The following PKNOX2 variants were observed in gnomAD, a reference collection of about 807,000 sequenced individuals.
PKNOX2 encodes the protein PBX/knotted 1 homeobox 2.
In PKNOX2, 14 loss-of-function variants were observed where a neutral mutation model predicts 53.1. That is an observed-to-expected ratio of 0.26 (90% CI 0.17 to 0.41). The LOEUF is 0.41. PKNOX2 is among the 10% of genes least tolerant of loss of function. The pLI, the probability that PKNOX2 is intolerant of heterozygous loss-of-function variation, is 1.00. For synonymous variants in PKNOX2, 257 were observed against 242.8 expected, an observed-to-expected ratio of 1.06 and a Z score of -0.54; for missense variants, 496 against 602.8, an observed-to-expected ratio of 0.82 and a Z score of 1.85.
chr11:125,235,975 C>T (rs1241588580), intron 2 of PKNOX2, among the ~76,000 whole-genome samples: 1 of 152,206 alleles, frequency 6.6e-6, no homozygotes, highest in Non-Finnish European at 1.5e-5. Flanking sequence ...AGTTTCCCCA[C>T]GCTGCTTATG....
chr11:125,316,028 G>A (rs1048911917), intron 2 of PKNOX2, among the ~76,000 whole-genome samples: 5 of 152,318 alleles, frequency 3.3e-5, no homozygotes, highest in Middle Eastern at 3.4e-3. Flanking sequence ...ATGTCCATAC[G>A]TAAGAGGACA....
chr11:125,285,841 C>T (rs985348918), intron 2 of PKNOX2, among the ~76,000 whole-genome samples: 1 of 152,244 alleles, frequency 6.6e-6, no homozygotes, highest in Admixed American at 6.5e-5. Context: ...TTCCTAAGCA[C>T]TTCACTACCA....
chr11:125,321,708 A>G (rs1414302476), intron 2 of PKNOX2, among the ~76,000 whole-genome samples: 2 of 152,214 alleles, frequency 1.3e-5, no homozygotes, highest in Non-Finnish European at 2.9e-5. Context: ...AATTACAAAA[A>G]CAGGCAGCCT....
intron 2 of PKNOX2, among the ~76,000 whole-genome samples, chr11:125,256,056 TC>T (rs1944384959): frequency 6.6e-6 from 1 of 151,652 alleles, no homozygotes; most frequent in Non-Finnish European, 1.5e-5. Flanking sequence ...TTCTCCAATC[TC>T]AGGAAATGAG....
chr11:125,385,787 C>A, intron 6 of PKNOX2, 65 bp downstream of exon 6: 1 of 1,537,528 alleles, frequency 6.5e-7, no homozygotes, highest in South Asian at 1.3e-5. Flanking sequence ...TTCAAAATGC[C>A]CTAGAAATGA....
At position 125,218,746 on chromosome 11, in the gene PKNOX2, G is replaced by T. The variant is rs559786325; in HGVS notation, c.-200-16299G>T. ...TTTGTAAGAAGAGCAGTCAAGATGT[G>T]TATCAGTTAGAAAGCCTTAGACTGT... is the stretch of plus-strand genomic sequence containing the variant. On this transcript the variant is annotated intron_variant, in intron 1 of 12. Transcript: ENST00000298282. Among the ~76,000 whole-genome samples, 7 of 152,294 alleles carry T rather than the reference G, an allele frequency of 4.6e-5. No homozygotes were observed. In the South Asian group the frequency reaches 1.5e-3, roughly 32 times the overall value.
intron 2 of PKNOX2, among the ~76,000 whole-genome samples, chr11:125,253,894 G>T (rs1199048611): frequency 6.6e-6 from 1 of 152,104 alleles, no homozygotes. Flanking sequence ...TTGGTAATAA[G>T]GGGGCGGTTG....
intron 2 of PKNOX2, among the ~76,000 whole-genome samples, chr11:125,308,217 T>G (rs1198356601): frequency 6.6e-6 from 1 of 152,190 alleles, no homozygotes; most frequent in African/African-American, 2.4e-5. Context: ...AGTTTCAGCT[T>G]ATGGATCATG....
chr11:125,292,273 C>T (rs1947354821), intron 2 of PKNOX2, among the ~76,000 whole-genome samples: 1 of 152,218 alleles, frequency 6.6e-6, no homozygotes, highest in Non-Finnish European at 1.5e-5. Flanking sequence ...TCTGCTACCA[C>T]CAGAATCTAT....
chr11:125,263,919 G>T (rs1036930769), intron 2 of PKNOX2, among the ~76,000 whole-genome samples: 2 of 152,196 alleles, frequency 1.3e-5, no homozygotes, highest in Non-Finnish European at 2.9e-5. Context: ...AGGGGGTGCG[G>T]GGAGGGGGCT....
intron 2 of PKNOX2, among the ~76,000 whole-genome samples, chr11:125,322,602 G>C (rs1348416055): frequency 2.0e-5 from 3 of 152,256 alleles, no homozygotes; most frequent in African/African-American, 7.2e-5. Flanking sequence ...GCAGCATCAC[G>C]CCCAGAACTC....
intron 4 of PKNOX2, among the ~76,000 whole-genome samples, chr11:125,365,086 A>G (rs1302666676): frequency 6.6e-6 from 1 of 152,142 alleles, no homozygotes; most frequent in Non-Finnish European, 1.5e-5. Context: ...CGAGTCATAC[A>G]GAACTGATAT....
At chr11:125,203,057 G>A (rs1249847667) in intron 1 of PKNOX2, among the ~76,000 whole-genome samples, 2 of 152,000 alleles carry the variant, frequency 1.3e-5, no homozygotes, top group African/African-American at 4.8e-5. Context: ...ATGGTGCTAG[G>A]CCTTCTGACT....
chr11:125,186,593 A>G (rs1956460951), intron 1 of PKNOX2, among the ~76,000 whole-genome samples: 1 of 152,218 alleles, frequency 6.6e-6, no homozygotes, highest in Non-Finnish European at 1.5e-5. Context: ...TTATGGCTAC[A>G]ATGAGCTGTG....
chr11:125,390,867 T>C (rs745476694), intron 6 of PKNOX2, among the ~76,000 whole-genome samples: 1 of 152,244 alleles, frequency 6.6e-6, no homozygotes, highest in Non-Finnish European at 1.5e-5. Context: ...ATATTTGTTT[T>C]GTCCCCGAAT....
At chr11:125,291,185 C>T (rs569569499) in intron 2 of PKNOX2, among the ~76,000 whole-genome samples, 45 of 152,306 alleles carry the variant, frequency 3.0e-4, no homozygotes, top group African/African-American at 1.0e-3. Context: ...CTGGGCCTCA[C>T]TTTCCTCGCA....
intron 2 of PKNOX2, among the ~76,000 whole-genome samples, chr11:125,241,856 AAAC>A (rs1388805617): frequency 6.6e-6 from 1 of 152,148 alleles, no homozygotes; most frequent in Non-Finnish European, 1.5e-5. Flanking sequence ...CTTCATCAAA[AAAC>A]AACAACAAAA....
chr11:125,304,634 A>T (rs1360594085), intron 2 of PKNOX2, among the ~76,000 whole-genome samples: 1 of 152,230 alleles, frequency 6.6e-6, no homozygotes, highest in Non-Finnish European at 1.5e-5. Context: ...AGCATTTTAT[A>T]TCAAGAGACT....
intron 3 of PKNOX2, among the ~76,000 whole-genome samples, chr11:125,350,287 A>G (rs1386468354): frequency 1.3e-5 from 2 of 152,200 alleles, no homozygotes; most frequent in African/African-American, 4.8e-5. Flanking sequence ...TCCTACTTCA[A>G]GAGGAAATCT....
Sources: gnomAD v4.1 joint callset for allele counts (sites outside exome capture counted in the v4.1 genomes callset) on GRCh38, gnomAD v4.1.1 for gene constraint, MANE v1.5 for transcripts, NCBI Gene and HGNC (gene_info 2026-07-23, HGNC 2026-07-21) for gene names.